Variants in FBXL20 observed in about 807,000 individuals in gnomAD.
FBXL20 encodes F-box/LRR-repeat protein 20.
Under a neutral mutation model 64.0 loss-of-function variants are expected in FBXL20, and 11 were observed. That is an observed-to-expected ratio of 0.17 (90% CI 0.11 to 0.28). The LOEUF (loss-of-function observed/expected upper bound fraction) is 0.28. Ranked by LOEUF, FBXL20 falls within the 10% of genes least tolerant of loss-of-function variation. The pLI, the probability that FBXL20 is intolerant of heterozygous loss-of-function variation, is 1.00. For missense variants in FBXL20, 303 were observed against 526.2 expected, an observed-to-expected ratio of 0.58 and a Z score of 4.15; for synonymous variants, 184 against 189.0, an observed-to-expected ratio of 0.97 and a Z score of 0.22.
chr17:39,399,691 TA>T (rs1304713651), intron 1 of FBXL20, among the ~76,000 whole-genome samples: 1 of 152,188 alleles, frequency 6.6e-6, no homozygotes, highest in Non-Finnish European at 1.5e-5. Flanking sequence ...AGCTACAAGT[TA>T]AAAAGAAACC....
chr17:39,382,914 T>A (rs1212735444), intron 1 of FBXL20, among the ~76,000 whole-genome samples: 3 of 151,866 alleles, frequency 2.0e-5, no homozygotes, highest in African/African-American at 7.3e-5. Flanking sequence ...CCCAGCACTT[T>A]GTGAGGCCGA....
chr17:39,265,055 C>T (rs1401563867), intron 13 of FBXL20, among the ~76,000 whole-genome samples: 1 of 152,176 alleles, frequency 6.6e-6, no homozygotes, highest in Non-Finnish European at 1.5e-5. Flanking sequence ...AACATTACAT[C>T]TTAAGGTGAA....
chr17:39,364,131 C>A (rs2144621754), intron 1 of FBXL20, among the ~76,000 whole-genome samples: 1 of 152,148 alleles, frequency 6.6e-6, no homozygotes, highest in South Asian at 2.1e-4. Context: ...CTCAAGTGAT[C>A]CGCCCACCTC....
In FBXL20 at chr17:39,401,345, C is replaced by A. The variant is rs199642093; in HGVS notation, c.42+16G>T. 8 of 1,552,246 alleles carry A rather than the reference C, an allele frequency of 5.2e-6. No individual in the cohort carries two copies. The highest frequency in any genetic ancestry group is 1.1e-5 in the South Asian group (1 of 88,372). On this transcript the variant is annotated intron_variant, in intron 1 of 14. Coordinates refer to ENST00000264658, the MANE Select transcript of FBXL20 (RefSeq NM_032875.3). Reference sequence around the variant, plus strand: ...ACCCGCCCTCCTCACGCCGCCCGAGCCCCCCAAGCTCACACCTCAAACCTG... The same window carrying A: ...ACCCGCCCTCCTCACGCCGCCCGAGACCCCCAAGCTCACACCTCAAACCTG...
rs1402039765 is a variant in FBXL20, at chr17:39,253,617, G to A, written c.*7843C>T. ...ATGTGCCAACAGGCTGTAAGGGTTA[G>A]AAGTTAGTGTGTAATTTGGAAGTAG... On this transcript the variant is annotated 3_prime_UTR_variant, in exon 15 of 15. Transcript: ENST00000264658. 1 of 152,266 alleles carries A rather than the reference G, an allele frequency of 6.6e-6. No individual in the cohort carries two copies. Among genetic ancestry groups the A allele is most frequent in the Non-Finnish European group, 1.5e-5 (1 of 68,026 alleles). The allele number at this position is 152,266 out of a possible 1,614,324, so 9.4% of individuals were successfully genotyped here. A position where few individuals can be genotyped will look rare whatever the true frequency, so the allele number is the denominator to read the frequency against.
At chr17:39,341,271 T>C (rs2047580483) in intron 2 of FBXL20, among the ~76,000 whole-genome samples, 1 of 152,176 alleles carries the variant, frequency 6.6e-6, no homozygotes, top group South Asian at 2.1e-4. Context: ...AATCATGTAA[T>C]AAATGATAGT....
At chr17:39,324,935 G>A (rs2047396472) in intron 2 of FBXL20, among the ~76,000 whole-genome samples, 1 of 152,214 alleles carries the variant, frequency 6.6e-6, no homozygotes, top group African/African-American at 2.4e-5. Flanking sequence ...CAAGTGCAGT[G>A]GCTCACGCCT....
At position 39,398,463 on chromosome 17, in the gene FBXL20, G is replaced by A. The variant is rs139798153; in HGVS notation, c.42+2898C>T. On this transcript the variant is annotated intron_variant, in intron 1 of 14. Coordinates refer to ENST00000264658, the MANE Select transcript of FBXL20 (RefSeq NM_032875.3). ...CATAATTAAAATATCTGAATGGTAA[G>A]TTTTAATTGATTAACACAATTCAGC... Among the ~76,000 whole-genome samples, 144 of 152,310 alleles carry A rather than the reference G, an allele frequency of 9.5e-4. 1 individual carries two copies. The highest frequency in any genetic ancestry group is 3.3e-3 in the African/African-American group (136 of 41,562).
At chr17:39,377,719 G>A (rs2047981655) in intron 1 of FBXL20, among the ~76,000 whole-genome samples, 2 of 152,186 alleles carry the variant, frequency 1.3e-5, no homozygotes, top group Middle Eastern at 6.8e-3. Context: ...AGCCAGGATG[G>A]TCTCGATCTC....
chr17:39,284,033 C>G (rs775250698), intron 7 of FBXL20, among the ~76,000 whole-genome samples: 58 of 152,308 alleles, frequency 3.8e-4, no homozygotes, highest in Non-Finnish European at 5.7e-4. Context: ...TTTCCCAAAA[C>G]TGATGTACTC....
Position 39,274,717 on chromosome 17 carries a change from T to C in FBXL20, c.827+253A>G, listed in dbSNP as rs148242107. On this transcript the variant is annotated intron_variant, in intron 10 of 14. Transcript: ENST00000264658. ...ATACCTTTCTTTCTATCTCAAGTAA[T>C]AAAATGTTGATTCTTTTTTCTAGTA... Among the ~76,000 whole-genome samples the C allele has an allele frequency of 8.8e-3, 1,337 of 152,298 alleles. 14 individuals carry two copies. The highest frequency in any genetic ancestry group is 0.027 in the Middle Eastern group (8 of 294).
chr17:39,325,082 C>A (rs2047397888), intron 2 of FBXL20, among the ~76,000 whole-genome samples: 1 of 152,146 alleles, frequency 6.6e-6, no homozygotes, highest in African/African-American at 2.4e-5. Flanking sequence ...GTGGCAGGCA[C>A]CTGTAGTCCT....
intron 2 of FBXL20, among the ~76,000 whole-genome samples, chr17:39,304,768 G>T (rs111787489): frequency 4.5e-4 from 69 of 151,948 alleles, no homozygotes; most frequent in African/African-American, 9.6e-4. Flanking sequence ...ATTTTTTTTT[G>T]TTGTTGTTGT....
At chr17:39,317,477 G>A (rs55703686) in intron 2 of FBXL20, among the ~76,000 whole-genome samples, 4,876 of 151,922 alleles carry the variant, frequency 0.032, 125 homozygotes, top group African/African-American at 0.069. Flanking sequence ...TGATCCGACC[G>A]TCTCTGCCTC....
intron 2 of FBXL20, among the ~76,000 whole-genome samples, chr17:39,322,568 T>C (rs1567879533): frequency 6.6e-6 from 1 of 152,176 alleles, no homozygotes; most frequent in South Asian, 2.1e-4. Context: ...AGTAGTTGAT[T>C]ACAAATTCTC....
At chr17:39,378,165 T>C (rs2047986816) in intron 1 of FBXL20, among the ~76,000 whole-genome samples, 1 of 152,218 alleles carries the variant, frequency 6.6e-6, no homozygotes, top group South Asian at 2.1e-4. Flanking sequence ...GAATGTGATT[T>C]CCAGAGTTGC....
chr17:39,384,704 C>A (rs1351504629), intron 1 of FBXL20, among the ~76,000 whole-genome samples: 1 of 151,992 alleles, frequency 6.6e-6, no homozygotes, highest in African/African-American at 2.4e-5. Flanking sequence ...CGCCTATAAT[C>A]CCAGCACTTT....
At chr17:39,315,105 G>C (rs186249009) in intron 2 of FBXL20, among the ~76,000 whole-genome samples, 4 of 151,832 alleles carry the variant, frequency 2.6e-5, no homozygotes, top group African/African-American at 9.7e-5. Flanking sequence ...CTTAATTTTT[G>C]TATTTGCACT....
chr17:39,332,286 T>C (rs1356155227), intron 2 of FBXL20, among the ~76,000 whole-genome samples: 1 of 152,216 alleles, frequency 6.6e-6, no homozygotes, highest in Non-Finnish European at 1.5e-5. Context: ...GAATGCTATC[T>C]TTAGAAATGC....
Sources: allele counts gnomAD v4.1 joint callset (sites outside exome capture counted in the v4.1 genomes callset), GRCh38; gene constraint gnomAD v4.1.1; transcripts MANE v1.5; gene names NCBI Gene and HGNC (gene_info 2026-07-23, HGNC 2026-07-21).